The following TASP1 variants were observed in gnomAD, a reference collection of about 807,000 sequenced individuals.
TASP1 encodes the protein threonine aspartase 1.
Under a neutral mutation model 56.6 loss-of-function variants are expected in TASP1, and 16 were observed. That is an observed-to-expected ratio of 0.28 (90% CI 0.19 to 0.43). TASP1 has a LOEUF of 0.43. Ranked by LOEUF, TASP1 falls within the 20% of genes least tolerant of loss-of-function variation. TASP1 has a pLI of 1.00. For missense variants in TASP1, 393 were observed against 511.6 expected, an observed-to-expected ratio of 0.77 and a Z score of 2.24; for synonymous variants, 179 against 184.2, an observed-to-expected ratio of 0.97 and a Z score of 0.23.
At chr20:13,344,280 C>T in the TASP1 span, among the ~76,000 whole-genome samples, 2 of 151,964 alleles carry the variant, frequency 1.3e-5, no homozygotes, top group Non-Finnish European at 2.9e-5. Context: ...TATTTGCGCA[C>T]ACACACACGC....
chr20:13,488,410 A>C (rs2043404221), intron 10 of TASP1, among the ~76,000 whole-genome samples: 2 of 152,226 alleles, frequency 1.3e-5, no homozygotes, highest in African/African-American at 2.4e-5. Flanking sequence ...AATATCTTAA[A>C]GATGCTATGG....
chr20:13,106,179 T>C, the TASP1 span, among the ~76,000 whole-genome samples: 1 of 152,248 alleles, frequency 6.6e-6, no homozygotes, highest in Non-Finnish European at 1.5e-5. Flanking sequence ...TCTTTTCTAA[T>C]AATTCTTATT....
At chr20:13,586,831 CTG>C (rs377587988) in intron 5 of TASP1, among the ~76,000 whole-genome samples, 502 of 152,052 alleles carry the variant, frequency 3.3e-3, no homozygotes, top group African/African-American at 0.011. Flanking sequence ...CAAAATAAAA[CTG>C]TGTTTCTGTT....
the TASP1 span, among the ~76,000 whole-genome samples, chr20:13,378,539 T>C: frequency 3.3e-5 from 5 of 152,078 alleles, no homozygotes; most frequent in Admixed American, 6.6e-5. Flanking sequence ...GTTGCGAAGA[T>C]TGTCTATTCT....
chr20:13,618,391 C>T (rs1438791987), intron 4 of TASP1, among the ~76,000 whole-genome samples: 1 of 151,760 alleles, frequency 6.6e-6, no homozygotes, highest in Non-Finnish European at 1.5e-5. Context: ...CCAGCCTAGG[C>T]GACAGAGCAA....
At chr20:13,300,965 A>T in the TASP1 span, among the ~76,000 whole-genome samples, 598 of 152,380 alleles carry the variant, frequency 3.9e-3, 4 homozygotes, top group African/African-American at 0.014. Context: ...AATTACAATT[A>T]TAAGTAGAAC....
At chr20:13,591,540 G>C (rs925338176) in intron 4 of TASP1, among the ~76,000 whole-genome samples, 1 of 152,006 alleles carries the variant, frequency 6.6e-6, no homozygotes, top group Non-Finnish European at 1.5e-5. Flanking sequence ...TAAAAATTGG[G>C]ATAATTTTTC....
the TASP1 span, among the ~76,000 whole-genome samples, chr20:13,305,188 C>T: frequency 3.9e-5 from 5 of 127,478 alleles, no homozygotes; most frequent in East Asian, 2.2e-4. Context: ...ATTTTAATAC[C>T]GTTGAGTTGT....
At chr20:13,521,299 A>T (rs986991577) in intron 10 of TASP1, among the ~76,000 whole-genome samples, 10 of 152,374 alleles carry the variant, frequency 6.6e-5, no homozygotes, top group African/African-American at 2.4e-4. Context: ...ATTAGAAATC[A>T]TGCTGCTATA....
At chr20:13,589,969 C>A (rs955623514) in intron 4 of TASP1, among the ~76,000 whole-genome samples, 12 of 152,136 alleles carry the variant, frequency 7.9e-5, no homozygotes, top group Non-Finnish European at 1.5e-4. Context: ...TGGTGGCTCA[C>A]ACCTGTAATC....
At chr20:13,248,724 G>T in the TASP1 span, among the ~76,000 whole-genome samples, 3 of 152,190 alleles carry the variant, frequency 2.0e-5, no homozygotes, top group East Asian at 5.8e-4. Context: ...TGAAGGGATG[G>T]CATATGATGA....
chr20:13,307,812 T>C, the TASP1 span, among the ~76,000 whole-genome samples: 1 of 152,352 alleles, frequency 6.6e-6, no homozygotes, highest in Admixed American at 6.5e-5. Flanking sequence ...TATATCACAA[T>C]TTTATTTAAC....
chr20:13,219,829 G>A, the TASP1 span, among the ~76,000 whole-genome samples: 2 of 152,158 alleles, frequency 1.3e-5, no homozygotes, highest in African/African-American at 4.8e-5. Context: ...CCTTCGCAAA[G>A]GCGCAAGGGT....
chr20:13,386,437 T>A (rs1453946547), downstream of TASP1, among the ~76,000 whole-genome samples: 1 of 149,288 alleles, frequency 6.7e-6, no homozygotes, highest in African/African-American at 2.6e-5. Context: ...CCTTATCTAT[T>A]TTCTAATTTT....
At chr20:13,590,991 A>G (rs554237212) in intron 4 of TASP1, among the ~76,000 whole-genome samples, 1 of 152,208 alleles carries the variant, frequency 6.6e-6, no homozygotes, top group South Asian at 2.1e-4. Flanking sequence ...CAATAAACGT[A>G]ATAATACAGC....
At chr20:13,184,053 A>G in the TASP1 span, among the ~76,000 whole-genome samples, 73 of 151,994 alleles carry the variant, frequency 4.8e-4, no homozygotes, top group African/African-American at 1.7e-3. Context: ...AAAGAAAGAA[A>G]GAAAGTAAAA....
chr20:13,335,379 G>A, the TASP1 span, among the ~76,000 whole-genome samples: 15 of 150,228 alleles, frequency 1.0e-4, no homozygotes, highest in African/African-American at 3.7e-4. Context: ...CACCCTGGCA[G>A]GAGATTTAGA....
the TASP1 span, among the ~76,000 whole-genome samples, chr20:13,203,039 C>G: frequency 2.2e-4 from 33 of 152,286 alleles, no homozygotes; most frequent in South Asian, 6.8e-3. Context: ...ACTCCCTAAA[C>G]TGATGAAAAC....
chr20:13,299,190 G>C, the TASP1 span: 1 of 1,606,064 alleles, frequency 6.2e-7, no homozygotes, highest in Non-Finnish European at 8.5e-7. This position sits in a 1 kb window ranked among gnomAD's most constrained non-coding sequence, Gnocchi z 5.8. Flanking sequence ...GCTGTCCCTG[G>C]AGAGCACCAC....
Sources: gnomAD v4.1 joint callset for allele counts (sites outside exome capture counted in the v4.1 genomes callset) on GRCh38, gnomAD v4.1.1 for gene constraint, Gnocchi (gnomAD v3.1) non-coding constraint, MANE v1.5 for transcripts, NCBI Gene and HGNC (gene_info 2026-07-23, HGNC 2026-07-21) for gene names.